ST13: variants seen among roughly 807,000 people sequenced by gnomAD.
The protein encoded by ST13 is ST13 Hsp70 interacting protein.
Under a neutral mutation model 56.7 loss-of-function variants are expected in ST13, and 23 were observed. That is an observed-to-expected ratio of 0.41 (90% CI 0.29 to 0.57). The LOEUF (loss-of-function observed/expected upper bound fraction) is 0.57. ST13 is among the 20% of genes least tolerant of loss of function. The pLI, the probability that ST13 is intolerant of heterozygous loss-of-function variation, is 0.36. For synonymous variants in ST13, 132 were observed against 142.4 expected (o/e 0.93, Z 0.52); for missense variants, 369 against 459.9 (o/e 0.80, Z 1.81).
At chr22:40,837,955 G>A (rs1345562251) in intron 5 of ST13, among the ~76,000 whole-genome samples, 1 of 152,094 alleles carries the variant, frequency 6.6e-6, no homozygotes, top group Non-Finnish European at 1.5e-5. Flanking sequence ...ACTCAAAACC[G>A]AAAAACTGAA....
chr22:40,839,718 C>T lies in ST13; in HGVS notation c.382+908G>A, dbSNP rs185825266. On this transcript the variant is annotated intron_variant, in intron 5 of 11. Coordinates refer to ENST00000216218, the MANE Select transcript of ST13 (RefSeq NM_003932.5). Reference sequence around the variant, plus strand: ...TGGAGGTTGCAGAGAGCCGAGATCACGCCACTGCATTCCAGCCTGGACGAC... The same window carrying T: ...TGGAGGTTGCAGAGAGCCGAGATCATGCCACTGCATTCCAGCCTGGACGAC... Among the ~76,000 whole-genome samples the T allele has an allele frequency of 5.4e-3, 823 of 151,050 alleles. 3 individuals are homozygous for T. Among genetic ancestry groups the T allele is most frequent in the African/African-American group, 0.019 (793 of 41,106 alleles).
intron 1 of ST13, among the ~76,000 whole-genome samples, chr22:40,853,820 A>G (rs1177388299): frequency 6.6e-6 from 1 of 152,180 alleles, no homozygotes; most frequent in Non-Finnish European, 1.5e-5. Flanking sequence ...CTTAATTACC[A>G]TCAAGTAAAG....
chr22:40,851,571 A>G (rs2057861320), intron 1 of ST13, among the ~76,000 whole-genome samples: 1 of 152,172 alleles, frequency 6.6e-6, no homozygotes, highest in Admixed American at 6.5e-5. Flanking sequence ...TGCAGACCCT[A>G]TAGTATATGG....
chr22:40,831,963 C>T lies in ST13; in HGVS notation c.681+606G>A, dbSNP rs1339416038. 3 of 248,168 alleles carry T rather than the reference C, an allele frequency of 1.2e-5. No homozygotes were observed. The Admixed American group carries it at 1.4e-4, about 12-fold the overall frequency. The allele number at this position is 248,168 out of a possible 1,614,324, so 15.4% of individuals were successfully genotyped here. On this transcript the variant is annotated intron_variant, in intron 8 of 11. Transcript: ENST00000216218. ...CACCTCCCAGGTTCAAGTGATTCTC[C>T]TGCCTCAGCCTCCCGAGTAGCTGGG...
intron 11 of ST13, 140 bp from the exon 12 acceptor site, chr22:40,826,806 T>A (rs1345107672): frequency 1.9e-6 from 2 of 1,031,928 alleles, no homozygotes; most frequent in South Asian, 1.7e-5. Flanking sequence ...GCTTGAAGTA[T>A]CAAAATCAAG....
intron 5 of ST13, among the ~76,000 whole-genome samples, chr22:40,840,334 AC>A (rs2057797292): frequency 6.9e-6 from 1 of 145,398 alleles, no homozygotes; most frequent in Admixed American, 6.8e-5. Flanking sequence ...TTCTACTACT[AC>A]TTTTTTTTTT....
chr22:40,833,370 C>T (rs1256305150), intron 7 of ST13, among the ~76,000 whole-genome samples: 2 of 150,214 alleles, frequency 1.3e-5, no homozygotes, highest in African/African-American at 4.9e-5. Context: ...GAGATCAAGA[C>T]CATCCTGGCT....
At chr22:40,850,940 C>A in intron 1 of ST13, 60 bp from the exon 2 acceptor site, 1 of 1,221,856 alleles carries the variant, frequency 8.2e-7, no homozygotes, top group South Asian at 1.4e-5. Context: ...TGTCACGCAA[C>A]GTATTTACAC....
chr22:40,835,581 T>C lies in ST13; in HGVS notation c.557A>G (p.Lys186Arg), dbSNP rs775615190. Reference sequence around the variant, plus strand: ...TTACCTGTGTGCTTTCCCCCGCCACTTGTAAGGCTGAGCTGAATCAGGATT... The same window carrying C: ...TTACCTGTGTGCTTTCCCCCGCCACCTGTAAGGCTGAGCTGAATCAGGATT... ...EINPDSAQPY[K>R]WRGKAHRLLG... The change falls in exon 7 of 12, where the codon AAG (lysine) becomes AGG (arginine). Residue 186 changes from lysine to arginine, a missense_variant. Lys to Arg is a conservative substitution (Grantham distance 26). This residue lies in a region of ST13 where 64 missense variants were observed against 125.1 expected (regional missense o/e 0.51). Transcript: ENST00000216218. The C allele has an allele frequency of 1.2e-4, 200 of 1,612,446 alleles. No homozygotes were observed. The highest frequency in any genetic ancestry group is 1.6e-4 in the Non-Finnish European group (194 of 1,179,790).
intron 3 of ST13, among the ~76,000 whole-genome samples, chr22:40,845,443 G>A (rs1317229598): frequency 6.6e-6 from 1 of 152,054 alleles, no homozygotes; most frequent in Non-Finnish European, 1.5e-5. Context: ...AGGATTCCAA[G>A]CATGAGCCAC....
Position 40,856,556 on chromosome 22 carries a change from G to A in ST13, c.-16C>T, listed in dbSNP as rs770575037. 17 of 1,604,142 alleles carry A rather than the reference G, an allele frequency of 1.1e-5. No homozygotes were observed. The Admixed American group carries it at 1.8e-4, about 17-fold the overall frequency. ...GGGGGTCCATGGTAGGGAGGTGGTG[G>A]GCGAAACTGGGGGGGCTACGGCCCG... is the stretch of plus-strand genomic sequence containing the variant. On this transcript the variant is annotated 5_prime_UTR_variant, in exon 1 of 12. Transcript: ENST00000216218.
At chr22:40,848,515 G>C in intron 2 of ST13, 146 bp from the exon 3 acceptor site, 1 of 639,600 alleles carries the variant, frequency 1.6e-6, no homozygotes, top group Non-Finnish European at 2.8e-6. Flanking sequence ...GGGAGGCTGG[G>C]GTGGGTGGAT....
At chr22:40,833,564 CAAAA>C (rs138336) in intron 7 of ST13, among the ~76,000 whole-genome samples, 4 of 115,398 alleles carry the variant, frequency 3.5e-5, no homozygotes, top group Non-Finnish European at 3.6e-5. Flanking sequence ...GACTCCATCT[CAAAA>C]AAAAAAAAAA....
At chr22:40,844,113 C>G (rs568045620) in intron 4 of ST13, among the ~76,000 whole-genome samples, 23 of 152,072 alleles carry the variant, frequency 1.5e-4, no homozygotes, top group Admixed American at 4.6e-4. Flanking sequence ...AAACTCCTGA[C>G]CTTAGATGAT....
chr22:40,827,306 G>T, intron 10 of ST13, 77 bp from the exon 11 acceptor site: 1 of 1,511,160 alleles, frequency 6.6e-7, no homozygotes, highest in South Asian at 1.2e-5. Context: ...AAAAGTACAG[G>T]TTCAAAGAAT....
chr22:40,845,351 A>T (rs2057825640), intron 3 of ST13, among the ~76,000 whole-genome samples: 1 of 152,060 alleles, frequency 6.6e-6, no homozygotes, highest in Non-Finnish European at 1.5e-5. Context: ...TTCCTTTTTT[A>T]AAATTAAAAT....
chr22:40,844,779 G>GC lies in ST13; in HGVS notation c.315+59dup, dbSNP rs1469614069. 1.8e-5 allele frequency: 24 copies of GC among 1,363,572 alleles called. No individual in the cohort carries two copies. In the African/African-American group the frequency reaches 3.2e-4, roughly 18 times the overall value. 84.5% of individuals were successfully genotyped at this position (1,363,572 alleles called of 1,614,324 possible). A position where few individuals can be genotyped will look rare whatever the true frequency, so the allele number is the denominator to read the frequency against. Reference sequence around the variant, plus strand: ...GGAAGAATCGTGTCATAAAATCATTGCAACAGCAGGACCTTTCACATTTCT... The same window carrying GC: ...GGAAGAATCGTGTCATAAAATCATTGCCAACAGCAGGACCTTTCACATTTCT... On this transcript the variant is annotated intron_variant, in intron 4 of 11. Transcript: ENST00000216218.
At chr22:40,853,017 A>T (rs1192777091) in intron 1 of ST13, among the ~76,000 whole-genome samples, 1 of 152,200 alleles carries the variant, frequency 6.6e-6, no homozygotes, top group African/African-American at 2.4e-5. Context: ...AGGGAAGGCC[A>T]GACAAACCCA....
At chr22:40,833,336 G>A (rs1281628261) in intron 7 of ST13, among the ~76,000 whole-genome samples, 2 of 152,096 alleles carry the variant, frequency 1.3e-5, no homozygotes, top group Non-Finnish European at 2.9e-5. Flanking sequence ...TTGGGAGGCC[G>A]AGGCGGGCAG....
Sources: allele counts gnomAD v4.1 joint callset (sites outside exome capture counted in the v4.1 genomes callset), GRCh38; gene constraint gnomAD v4.1.1; regional missense constraint gnomAD v4.1.1; transcripts MANE v1.5; gene names NCBI Gene and HGNC (gene_info 2026-07-23, HGNC 2026-07-21).